DSE: variants seen among roughly 807,000 people sequenced by gnomAD.
DSE encodes the protein dermatan-sulfate epimerase.
In DSE, 36 loss-of-function variants were observed where a neutral mutation model predicts 84.4. The observed-to-expected ratio is 0.43, with a 90% CI of 0.33 to 0.56. DSE has a LOEUF of 0.56. Ranked by LOEUF, DSE falls within the 20% of genes least tolerant of loss-of-function variation. The pLI is 0.06. For missense variants in DSE, 862 were observed against 1,169.6 expected, an observed-to-expected ratio of 0.74 and a Z score of 3.84; for synonymous variants, 410 against 430.1, an observed-to-expected ratio of 0.95 and a Z score of 0.58.
At chr6:116,375,737 C>T (rs545844554) in intron 1 of DSE, among the ~76,000 whole-genome samples, 5 of 152,214 alleles carry the variant, frequency 3.3e-5, no homozygotes, top group South Asian at 2.1e-4. Flanking sequence ...AGAGAATTGC[C>T]GTAAAGGAAA....
chr6:116,284,765 C>T (rs1177525184), intron 2 of DSE, among the ~76,000 whole-genome samples: 1 of 147,622 alleles, frequency 6.8e-6, no homozygotes, highest in Non-Finnish European at 1.5e-5. Context: ...TGATAATATG[C>T]AGTGTTTGGT....
Position 116,305,148 on chromosome 6 carries a change from T to G in DSE, c.-54+46181T>G, listed in dbSNP as rs1389299876. 2.6e-5 allele frequency among the ~76,000 whole-genome samples: 4 copies of G among 152,194 alleles called. No homozygotes were observed. In the East Asian group the frequency reaches 7.7e-4, roughly 29 times the overall value. On this transcript the variant is annotated intron_variant, in intron 2 of 3. Coordinates refer to the DSE transcript ENST00000430252. ...AATCAAACTTTCCTTTTTTTTTTTT[T>G]CTTTTTGCACATAACCTGCGCTAAA...
At chr6:116,284,604 G>C (rs1281021224) in intron 2 of DSE, among the ~76,000 whole-genome samples, 1 of 151,790 alleles carries the variant, frequency 6.6e-6, no homozygotes, top group Non-Finnish European at 1.5e-5. Flanking sequence ...TTGGTGTGCT[G>C]CACCCATTAA....
chr6:116,333,215 G>T (rs1161441052), intron 2 of DSE, among the ~76,000 whole-genome samples: 1 of 152,186 alleles, frequency 6.6e-6, no homozygotes. Flanking sequence ...ATTTTCTGCT[G>T]CATAACAGAG....
Position 116,437,562 on chromosome 6 carries a change from T to C in DSE, c.*217T>C. The C allele has an allele frequency of 2.0e-6, 1 of 496,160 alleles. No homozygotes were observed. Among genetic ancestry groups the C allele is most frequent in the Non-Finnish European group, 3.5e-6 (1 of 287,166 alleles). 30.7% of individuals were successfully genotyped at this position (496,160 alleles called of 1,614,324 possible). A position where few individuals can be genotyped will look rare whatever the true frequency, so the allele number is the denominator to read the frequency against. ...AAATAGCTTGGTGGTCCTATGGTGT[T>C]TTTGGAAGTATTTGGCATTGCTAAT... On this transcript the variant is annotated 3_prime_UTR_variant, in exon 6 of 6. Transcript: ENST00000644252.
intron 3 of DSE, among the ~76,000 whole-genome samples, chr6:116,430,542 A>T (rs1183477587): frequency 1.3e-5 from 2 of 152,114 alleles, no homozygotes; most frequent in Admixed American, 1.3e-4. Flanking sequence ...TATAGAGTCA[A>T]TAACTTTTTT....
intron 2 of DSE, chr6:116,279,324 C>G: frequency 6.2e-7 from 1 of 1,610,814 alleles, no homozygotes. Context: ...CGCTCTCCCT[C>G]TCAGCCACGG....
At chr6:116,258,774 G>A (rs755036669) in exon 2 of DSE, 28 of 1,609,614 alleles carry the variant, frequency 1.7e-5, no homozygotes, top group East Asian at 8.9e-5. Flanking sequence ...TGATGATGGC[G>A]TTCACCAGGA....
At chr6:116,306,564 A>G (rs1202770701) in intron 2 of DSE, among the ~76,000 whole-genome samples, 2 of 152,112 alleles carry the variant, frequency 1.3e-5, no homozygotes, top group Non-Finnish European at 2.9e-5. Flanking sequence ...AAGCCCTCCC[A>G]GCTCTTCCAC....
intron 2 of DSE, among the ~76,000 whole-genome samples, chr6:116,276,360 A>G (rs1562195819): frequency 6.6e-6 from 1 of 152,212 alleles, no homozygotes; most frequent in Admixed American, 6.5e-5. Flanking sequence ...GAAATGGAGG[A>G]TTTGAGCAAC....
At chr6:116,340,145 C>G (rs542966177) in intron 2 of DSE, among the ~76,000 whole-genome samples, 1 of 152,274 alleles carries the variant, frequency 6.6e-6, no homozygotes, top group East Asian at 1.9e-4. Context: ...GTTTGTTGAG[C>G]TTCTTGAACC....
At chr6:116,431,942 A>G (rs1009599703) in intron 4 of DSE, among the ~76,000 whole-genome samples, 1 of 152,174 alleles carries the variant, frequency 6.6e-6, no homozygotes, top group Non-Finnish European at 1.5e-5. Flanking sequence ...CAATTTTTAG[A>G]TGGTGATTCT....
intron 1 of DSE, among the ~76,000 whole-genome samples, chr6:116,380,776 G>T (rs1453370499): frequency 6.6e-6 from 1 of 152,158 alleles, no homozygotes; most frequent in Admixed American, 6.5e-5. Flanking sequence ...ATACAGAGAG[G>T]ACTGAAATAA....
intron 2 of DSE, among the ~76,000 whole-genome samples, chr6:116,341,268 C>A (rs957798167): frequency 3.9e-5 from 6 of 152,158 alleles, no homozygotes; most frequent in African/African-American, 1.4e-4. Context: ...GTGTCAGCTG[C>A]ATAAATGTCT....
At chr6:116,326,677 A>G (rs961812988) in intron 2 of DSE, among the ~76,000 whole-genome samples, 18 of 152,198 alleles carry the variant, frequency 1.2e-4, no homozygotes, top group African/African-American at 3.1e-4. Context: ...AAATGTAAGG[A>G]TATTAGGCAC....
intron 3 of DSE, among the ~76,000 whole-genome samples, chr6:116,430,034 T>C (rs1187341563): frequency 6.6e-6 from 1 of 152,208 alleles, no homozygotes; most frequent in Non-Finnish European, 1.5e-5. Context: ...CATTTCTGAG[T>C]TAAAAGGTTT....
rs1291358009 is a variant in DSE, at chr6:116,442,601, CTG to C, written c.*5257_*5258del. The C allele has an allele frequency of 1.3e-5, 2 of 152,222 alleles. No homozygotes were observed. The highest frequency in any genetic ancestry group is 2.1e-4 in the South Asian group (1 of 4,830). The allele number at this position is 152,222 out of a possible 1,614,324, so 9.4% of individuals were successfully genotyped here. On this transcript the variant is annotated 3_prime_UTR_variant, in exon 6 of 6. Coordinates refer to ENST00000644252, the MANE Select transcript of DSE (RefSeq NM_013352.4). ...AAACCTGGTTCAGGAATTCTCCAGA[CTG>C]GTGGTGTTGGCCCACAGGGTGTGTG... is the stretch of plus-strand genomic sequence containing the variant.
chr6:116,373,018 A>T (rs1466651131), intron 1 of DSE, among the ~76,000 whole-genome samples: 1 of 151,732 alleles, frequency 6.6e-6, no homozygotes, highest in Non-Finnish European at 1.5e-5. Flanking sequence ...CTGACAGTTT[A>T]AAAAATACTG....
intron 1 of DSE, chr6:116,256,554 A>C (rs1055707533): frequency 2.0e-5 from 3 of 152,194 alleles, no homozygotes; most frequent in Non-Finnish European, 2.9e-5. Flanking sequence ...TTTATCCTCT[A>C]CTTTTTAACT....
Sources: gnomAD v4.1 joint callset for allele counts (sites outside exome capture counted in the v4.1 genomes callset) on GRCh38, gnomAD v4.1.1 for gene constraint, MANE v1.5 for transcripts, NCBI Gene and HGNC (gene_info 2026-07-23, HGNC 2026-07-21) for gene names.